PIAS1: variants seen among roughly 807,000 people sequenced by gnomAD.
PIAS1 encodes the protein protein inhibitor of activated STAT 1, also known as E3 SUMO-protein ligase PIAS1.
PIAS1 carries 6 observed loss-of-function variants against 71.3 expected under a neutral mutation model. The observed-to-expected ratio is 0.08, with a 90% CI of 0.05 to 0.17. The LOEUF is 0.17. PIAS1 is among the 10% of genes least tolerant of loss of function. PIAS1 has a pLI of 1.00. For synonymous variants in PIAS1, 303 were observed against 292.9 expected, an observed-to-expected ratio of 1.03 and a Z score of -0.35; for missense variants, 555 against 793.6, an observed-to-expected ratio of 0.70 and a Z score of 3.61.
intron 4 of PIAS1, among the ~76,000 whole-genome samples, chr15:68,144,874 G>T (rs181013379): frequency 6.6e-6 from 1 of 151,986 alleles, no homozygotes; most frequent in Non-Finnish European, 1.5e-5. Flanking sequence ...CACGATCCCC[G>T]TACTCAGATT....
chr15:68,114,058 ACACT>A (rs1415167207), intron 2 of PIAS1, among the ~76,000 whole-genome samples: 3 of 112,254 alleles, frequency 2.7e-5, no homozygotes, highest in African/African-American at 9.4e-5. Context: ...ACACACACAC[ACACT>A]TATATACATG....
Position 68,187,796 on chromosome 15 carries a change from C to T in PIAS1, c.1917C>T (p.Ser639=), listed in dbSNP as rs775034268. ...ACAGGAGCAGCACGGACACGGCATC[C>T]ATCTTTGGCATCATACCAGACATTA... ...VTNRSSTDTA[S]IFGIIPDIIS... Residue 639 remains serine, a synonymous_variant, in exon 14 of 14, where the codon TCC becomes TCT. Transcript: ENST00000249636. This position sits in a 1 kb window ranked among gnomAD's most constrained non-coding sequence, Gnocchi z 5.3. The T allele has an allele frequency of 6.2e-7, 1 of 1,613,870 alleles. No homozygotes were observed. Among genetic ancestry groups the T allele is most frequent in the Admixed American group, 1.7e-5 (1 of 60,020 alleles).
intron 1 of PIAS1, among the ~76,000 whole-genome samples, chr15:68,075,076 TTC>T (rs1479085643): frequency 1.5e-5 from 2 of 136,272 alleles, no homozygotes; most frequent in African/African-American, 3.1e-5. Context: ...CTTTCTTTCT[TTC>T]TTTTTTTTTT....
chr15:68,173,841 T>G lies in PIAS1; in HGVS notation c.1118T>G (p.Val373Gly). 6.3e-7 allele frequency: 1 copy of G among 1,597,460 alleles called. No homozygotes were observed. The highest frequency in any genetic ancestry group is 8.6e-7 in the Non-Finnish European group (1 of 1,168,162). The part of the protein sequence containing the change: ...IQMNEKKPTW[V>G]CPVCDKKAPY... Reference sequence around the variant, plus strand: ...ATGAATGAGAAAAAACCAACCTGGGTTTGTCCTGTCTGTGATAAGAAGGCT... The same window carrying G: ...ATGAATGAGAAAAAACCAACCTGGGGTTGTCCTGTCTGTGATAAGAAGGCT... The change falls in exon 9 of 14, where the codon GTT becomes GGT. Residue 373 changes from valine (V) to glycine (G), a missense_variant. Physicochemically the swap from Val to Gly is moderately radical, Grantham distance 109. Around this residue, in one of 5 missense-constraint regions of PIAS1, gnomAD observed 49 missense variants for 129.2 expected, o/e 0.38. Coordinates refer to ENST00000249636, the MANE Select transcript of PIAS1 (RefSeq NM_016166.3). This position sits in a 1 kb window ranked among gnomAD's most constrained non-coding sequence, Gnocchi z 4.3.
At chr15:68,087,047 T>C (rs1403979477) in intron 2 of PIAS1, among the ~76,000 whole-genome samples, 1 of 152,168 alleles carries the variant, frequency 6.6e-6, no homozygotes, top group Non-Finnish European at 1.5e-5. Flanking sequence ...ATCTCATAAA[T>C]TAAATTAAAA....
Position 68,177,428 on chromosome 15 carries a change from G to C in PIAS1, c.1481+774G>C, listed in dbSNP as rs527722203. 3.3e-5 allele frequency among the ~76,000 whole-genome samples: 5 copies of C among 152,284 alleles called. No individual in the cohort carries two copies. In the South Asian group the frequency reaches 1.0e-3, roughly 32 times the overall value. On this transcript the variant is annotated intron_variant, in intron 11 of 13. Transcript: ENST00000249636. The stretch of plus-strand genomic sequence containing the variant: ...CCAAGTTGAGTGTTTCAAGTGGAAA[G>C]CAGAGGAAGACCAATGATTTAAATC...
intron 12 of PIAS1, 170 bp downstream of exon 12, chr15:68,181,524 C>A (rs996653338): frequency 1.5e-5 from 9 of 586,252 alleles, no homozygotes; most frequent in Admixed American, 9.0e-5. Context: ...TGACCCAGTT[C>A]GTTGATTGTA....
rs2093006039 is a variant in PIAS1 at position 68,173,824 on chromosome 15, G to C, written c.1101G>C (p.Glu367Asp). ...FDATLYIQMNEKKPTWVCPVC... is the reference protein window; with the variant it reads ...FDATLYIQMNDKKPTWVCPVC... Reference sequence around the variant, plus strand: ...CAACTCTTTACATTCAGATGAATGAGAAAAAACCAACCTGGGTTTGTCCTG... The same window carrying C: ...CAACTCTTTACATTCAGATGAATGACAAAAAACCAACCTGGGTTTGTCCTG... The change falls in exon 9 of 14, where the codon GAG becomes GAC. Residue 367 changes from glutamate to aspartate, a missense_variant. This residue lies in a region of PIAS1 where 49 missense variants were observed against 129.2 expected (regional missense o/e 0.38). Transcript: ENST00000249636. The surrounding 1 kb of genome is among the most constrained non-coding windows in gnomAD (Gnocchi z 4.3). 4 of 1,600,896 alleles carry C rather than the reference G, an allele frequency of 2.5e-6. No homozygotes were observed. The highest frequency in any genetic ancestry group is 3.4e-6 in the Non-Finnish European group (4 of 1,170,550).
chr15:68,165,341 G>A (rs1175642886), intron 8 of PIAS1, among the ~76,000 whole-genome samples: 3 of 152,016 alleles, frequency 2.0e-5, no homozygotes, highest in Non-Finnish European at 2.9e-5. Context: ...GGCTGGTCTC[G>A]AACTCCTGAC....
At chr15:68,076,074 G>A (rs773671163) in intron 1 of PIAS1, among the ~76,000 whole-genome samples, 1 of 152,038 alleles carries the variant, frequency 6.6e-6, no homozygotes, top group Non-Finnish European at 1.5e-5. Flanking sequence ...GTGAGCCACC[G>A]CTCCTGGCCA....
rs2093100903 is a variant in PIAS1 at position 68,188,248 on chromosome 15, C to T, written c.*413C>T. 1.3e-5 allele frequency: 2 copies of T among 157,674 alleles called. No homozygotes were observed. Among genetic ancestry groups the T allele is most frequent in the African/African-American group, 2.4e-5 (1 of 41,380 alleles). The allele number at this position is 157,674 out of a possible 1,614,324, so 9.8% of individuals were successfully genotyped here. Reference sequence around the variant, plus strand: ...GAATTGCATGTATGAAGTTTTCAATCGTGGGCTTTTCTTTGTTGTGGGGAG... The same window carrying T: ...GAATTGCATGTATGAAGTTTTCAATTGTGGGCTTTTCTTTGTTGTGGGGAG... On this transcript the variant is annotated 3_prime_UTR_variant, in exon 14 of 14. Coordinates refer to ENST00000249636, the MANE Select transcript of PIAS1 (RefSeq NM_016166.3).
chr15:68,163,414 G>A (rs2092937354), intron 7 of PIAS1, among the ~76,000 whole-genome samples: 1 of 152,130 alleles, frequency 6.6e-6, no homozygotes, highest in Non-Finnish European at 1.5e-5. Context: ...GAATTTCCAG[G>A]CCATGAAATG....
intron 2 of PIAS1, among the ~76,000 whole-genome samples, chr15:68,129,781 A>T (rs1310128957): frequency 7.1e-6 from 1 of 141,648 alleles, no homozygotes; most frequent in Non-Finnish European, 1.5e-5. Flanking sequence ...GCAGATTGCA[A>T]AATAATTGTA....
chr15:68,085,205 G>A (rs2092268445), intron 1 of PIAS1, among the ~76,000 whole-genome samples: 1 of 152,106 alleles, frequency 6.6e-6, no homozygotes, highest in South Asian at 2.1e-4. Flanking sequence ...CAAATGGTAA[G>A]CTTACATGTG....
chr15:68,142,605 C>G (rs1439941392), intron 4 of PIAS1, among the ~76,000 whole-genome samples: 1 of 151,854 alleles, frequency 6.6e-6, no homozygotes, highest in East Asian at 1.9e-4. Flanking sequence ...TAATTTTCAT[C>G]CAATTTAGAT....
At chr15:68,148,541 G>A (rs1487456903) in intron 6 of PIAS1, among the ~76,000 whole-genome samples, 3 of 152,036 alleles carry the variant, frequency 2.0e-5, no homozygotes, top group Non-Finnish European at 4.4e-5. Context: ...CGATTCTCCT[G>A]CCACAGCCTC....
chr15:68,083,764 TA>T (rs34242425), intron 1 of PIAS1, among the ~76,000 whole-genome samples: 4,274 of 128,960 alleles, frequency 0.033, 124 homozygotes, highest in African/African-American at 0.084. Flanking sequence ...ATGAATCCTG[TA>T]AAAAAAAAAA....
intron 6 of PIAS1, among the ~76,000 whole-genome samples, chr15:68,151,916 G>A (rs1206855458): frequency 2.2e-5 from 3 of 139,046 alleles, no homozygotes; most frequent in Non-Finnish European, 4.6e-5. Context: ...AGATTAGTAT[G>A]TTGTATGCTC....
intron 8 of PIAS1, among the ~76,000 whole-genome samples, chr15:68,165,696 A>C (rs1392170308): frequency 6.6e-6 from 1 of 152,238 alleles, no homozygotes; most frequent in Non-Finnish European, 1.5e-5. Flanking sequence ...AAGGTCTCAA[A>C]AAAATGTTAT....
Sources: allele counts gnomAD v4.1 joint callset (sites outside exome capture counted in the v4.1 genomes callset), GRCh38; gene constraint gnomAD v4.1.1; regional missense constraint gnomAD v4.1.1; non-coding constraint Gnocchi (gnomAD v3.1); transcripts MANE v1.5; gene names NCBI Gene and HGNC (gene_info 2026-07-23, HGNC 2026-07-21).